Variants in PREX2 observed in about 807,000 individuals in gnomAD.
The protein encoded by PREX2 is phosphatidylinositol-3,4,5-trisphosphate dependent Rac exchange factor 2, also known as phosphatidylinositol 3,4,5-trisphosphate-dependent Rac exchanger 2 protein.
Under a neutral mutation model 203.2 loss-of-function variants are expected in PREX2, and 107 were observed. The observed-to-expected ratio is 0.53, with a 90% CI of 0.45 to 0.62. The LOEUF (loss-of-function observed/expected upper bound fraction) is 0.62, where lower values mean the gene tolerates loss of function less well. Ranked by LOEUF, PREX2 falls within the 20% of genes least tolerant of loss-of-function variation. The pLI is 0.00. For synonymous variants in PREX2, 672 were observed against 663.6 expected, an observed-to-expected ratio of 1.01 and a Z score of -0.19; for missense variants, 1,777 against 1,955.9, an observed-to-expected ratio of 0.91 and a Z score of 1.72.
At chr8:68,022,816 T>C (rs1314867729) in intron 4 of PREX2, among the ~76,000 whole-genome samples, 1 of 152,178 alleles carries the variant, frequency 6.6e-6, no homozygotes, top group African/African-American at 2.4e-5. Context: ...GCACCAGGCA[T>C]ACACTGATTT....
intron 8 of PREX2, among the ~76,000 whole-genome samples, chr8:68,049,302 C>A (rs1457848013): frequency 1.3e-5 from 2 of 151,860 alleles, no homozygotes; most frequent in Non-Finnish European, 2.9e-5. Context: ...CAGTGTTGAT[C>A]TCCAGGACAA....
Position 68,115,792 on chromosome 8 carries a change from T to C in PREX2, c.3186T>C (p.Arg1062=). 13 of 1,612,346 alleles carry C rather than the reference T, an allele frequency of 8.1e-6. No individual in the cohort carries two copies. Among genetic ancestry groups the C allele is most frequent in the Non-Finnish European group, 1.0e-5 (12 of 1,179,508 alleles). The change falls in exon 26 of 40, where the codon CGT becomes CGC. Residue 1062 remains arginine (R), a synonymous_variant. Coordinates refer to ENST00000288368, the MANE Select transcript of PREX2 (RefSeq NM_024870.4). Reference sequence around the variant, plus strand: ...TAACATATTCTCCTAAATTAGAACGTAAGACATCAGAGGGCATAATACCAA... The same window carrying C: ...TAACATATTCTCCTAAATTAGAACGCAAGACATCAGAGGGCATAATACCAA... ...SSITYSPKLE[R]KTSEGIIPTD...
chr8:68,169,416 C>A (rs1033791206), intron 35 of PREX2, among the ~76,000 whole-genome samples: 7 of 151,770 alleles, frequency 4.6e-5, no homozygotes, highest in African/African-American at 1.7e-4. Flanking sequence ...GGAACAAACT[C>A]CATAATTGGA....
intron 23 of PREX2, chr8:68,105,662 C>T: frequency 1.7e-6 from 1 of 585,884 alleles, no homozygotes; most frequent in African/African-American, 6.0e-5. Context: ...CAGTAAATGA[C>T]AGACCATATA....
intron 33 of PREX2, among the ~76,000 whole-genome samples, chr8:68,139,354 T>C (rs893372699): frequency 1.3e-5 from 2 of 152,036 alleles, no homozygotes; most frequent in African/African-American, 4.8e-5. Context: ...CACTGGACTC[T>C]GAGGCTGGGA....
At chr8:68,216,972 A>AC (rs1251641160) in intron 37 of PREX2, among the ~76,000 whole-genome samples, 3 of 128,708 alleles carry the variant, frequency 2.3e-5, no homozygotes, top group Admixed American at 1.4e-4. Context: ...AAAAAACAAA[A>AC]AAAAAAAAAA....
chr8:68,051,034 A>G (rs528218853), intron 8 of PREX2, among the ~76,000 whole-genome samples: 81 of 152,236 alleles, frequency 5.3e-4, no homozygotes, highest in Admixed American at 4.1e-3. Flanking sequence ...GAGACACCCA[A>G]TGGGTGGCTT....
chr8:68,053,034 GT>G, intron 8 of PREX2, 62 bp from the exon 9 acceptor site: 1 of 1,432,824 alleles, frequency 7.0e-7, no homozygotes, highest in Non-Finnish European at 9.6e-7. Context: ...TTGAATGATA[GT>G]GTGGATATAA....
At chr8:68,085,640 C>T (rs567231120) in intron 18 of PREX2, among the ~76,000 whole-genome samples, 4 of 152,078 alleles carry the variant, frequency 2.6e-5, no homozygotes, top group Non-Finnish European at 4.4e-5. Context: ...CTTGTATAAA[C>T]GTAATTCTTT....
At chr8:68,148,700 C>T (rs1811374659) in intron 34 of PREX2, among the ~76,000 whole-genome samples, 1 of 152,174 alleles carries the variant, frequency 6.6e-6, no homozygotes, top group South Asian at 2.1e-4. Flanking sequence ...TTGGTATGCT[C>T]ACAGCAGCAA....
intron 10 of PREX2, among the ~76,000 whole-genome samples, chr8:68,059,697 G>C (rs564775829): frequency 6.6e-6 from 1 of 152,254 alleles, no homozygotes; most frequent in African/African-American, 2.4e-5. Flanking sequence ...CCAAAATCAA[G>C]GTGCTGGCCA....
intron 18 of PREX2, among the ~76,000 whole-genome samples, chr8:68,084,043 A>G (rs1809610139): frequency 6.6e-6 from 1 of 152,168 alleles, no homozygotes; most frequent in Non-Finnish European, 1.5e-5. Context: ...CATATACACA[A>G]TCAGGTACCC....
At chr8:68,013,970 A>G (rs908119680) in intron 1 of PREX2, among the ~76,000 whole-genome samples, 2 of 152,198 alleles carry the variant, frequency 1.3e-5, no homozygotes, top group Admixed American at 6.5e-5. Flanking sequence ...ACTTTTGAGA[A>G]CGATCTACTA....
intron 24 of PREX2, chr8:68,109,099 A>C: frequency 2.3e-6 from 1 of 437,288 alleles, no homozygotes; most frequent in Non-Finnish European, 4.3e-6. Flanking sequence ...AATTTCAATC[A>C]GATAAGAGGA....
chr8:68,099,972 A>G (rs1360502620), intron 23 of PREX2, 129 bp downstream of exon 23: 1 of 900,988 alleles, frequency 1.1e-6, no homozygotes. Context: ...ATAACATTAT[A>G]TAACATTTTA....
chr8:68,230,038 A>G (rs1444494537), intron 39 of PREX2, among the ~76,000 whole-genome samples: 1 of 152,220 alleles, frequency 6.6e-6, no homozygotes, highest in East Asian at 1.9e-4. Context: ...GCATGGAGAT[A>G]ACATGTAGTG....
intron 37 of PREX2, among the ~76,000 whole-genome samples, chr8:68,207,845 T>A (rs921392020): frequency 6.6e-6 from 1 of 151,936 alleles, no homozygotes; most frequent in Non-Finnish European, 1.5e-5. Flanking sequence ...ACCTTCCAGA[T>A]GAGTATGAAA....
chr8:68,228,957 A>AG (rs1195458390), intron 39 of PREX2, among the ~76,000 whole-genome samples: 7 of 126,910 alleles, frequency 5.5e-5, no homozygotes, highest in Non-Finnish European at 4.9e-5. Flanking sequence ...AAAAAAAAAA[A>AG]AAAAAAAAAA....
Position 68,114,192 on chromosome 8 carries a change from A to G in PREX2, c.3147-1561A>G, listed in dbSNP as rs182462301. ...GTGTGTTTTATAAACTACTATATCC[A>G]CAGCACCAAGAACAGTGCATGGTAT... On this transcript the variant is annotated intron_variant, in intron 25 of 39. Transcript: ENST00000288368. 1.4e-4 allele frequency: 52 copies of G among 373,472 alleles called. No homozygotes were observed. The East Asian group carries it at 2.8e-3, about 20-fold the overall frequency. The allele number at this position is 373,472 out of a possible 1,614,324, so 23.1% of individuals were successfully genotyped here. A position where few individuals can be genotyped will look rare whatever the true frequency, so the allele number is the denominator to read the frequency against.
Sources: gnomAD v4.1 joint callset for allele counts (sites outside exome capture counted in the v4.1 genomes callset) on GRCh38, gnomAD v4.1.1 for gene constraint, MANE v1.5 for transcripts, NCBI Gene and HGNC (gene_info 2026-07-23, HGNC 2026-07-21) for gene names.